The following CYLC2 variants were observed in gnomAD, a reference collection of about 807,000 sequenced individuals.
The protein encoded by CYLC2 is cylicin 2, also known as cylicin-2.
CYLC2 carries 30 observed loss-of-function variants against 26.1 expected under a neutral mutation model. The observed-to-expected ratio is 1.15, with a 90% CI of 0.86 to 1.56. The LOEUF (loss-of-function observed/expected upper bound fraction) is 1.56, where lower values mean the gene tolerates loss of function less well. Ranked by LOEUF, CYLC2 falls within the 40% of genes most tolerant of loss-of-function variation. The pLI is 0.00. For missense variants in CYLC2, 498 were observed against 394.4 expected (o/e 1.26, Z -2.23); for synonymous variants, 158 against 132.8 (o/e 1.19, Z -1.31).
At chr9:103,009,897 G>GTACACACATACATATATGTGTATA (rs1829388463) in intron 5 of CYLC2, among the ~76,000 whole-genome samples, 2 of 150,710 alleles carry the variant, frequency 1.3e-5, no homozygotes, top group African/African-American at 4.9e-5. Flanking sequence ...ATACATATGT[G>GTACACACATACATATATGTGTATA]TACACACATA....
chr9:103,004,115 A>T (rs1374742447), intron 3 of CYLC2, among the ~76,000 whole-genome samples: 3 of 152,116 alleles, frequency 2.0e-5, no homozygotes, highest in Non-Finnish European at 4.4e-5. Flanking sequence ...GTTGAAAACA[A>T]AATGCATAAT....
Position 103,005,062 on chromosome 9 carries a change from G to A in CYLC2, c.431G>A (p.Gly144Asp), listed in dbSNP as rs1350824667. The A allele has an allele frequency of 3.7e-6, 6 of 1,602,474 alleles. No individual in the cohort carries two copies. Among genetic ancestry groups the A allele is most frequent in the Non-Finnish European group, 5.1e-6 (6 of 1,176,706 alleles). Residue 144 changes from glycine to aspartate, a missense_variant, in exon 5 of 8, where the codon GGC (glycine) becomes GAC (aspartate). Coordinates refer to ENST00000374798, the MANE Select transcript of CYLC2 (RefSeq NM_001340.5). Reference sequence around the variant, plus strand: ...CAAGGAAAAAAAGATTCAAAGAAAGGCAAGGATATAGAGAAAGGAAAAGAA... The same window carrying A: ...CAAGGAAAAAAAGATTCAAAGAAAGACAAGGATATAGAGAAAGGAAAAGAA... ...LKQGKKDSKK[G>D]KDIEKGKEEK...
chr9:102,995,341 C>T lies in CYLC2; in HGVS notation c.-40C>T, dbSNP rs373802579. ...CACCTTTCAACATCACCAGTTTGAACTTACAATACTTAAGTCCTGGCAAGT... is the reference window on the plus strand; with the variant it reads ...CACCTTTCAACATCACCAGTTTGAATTTACAATACTTAAGTCCTGGCAAGT... On this transcript the variant is annotated 5_prime_UTR_variant, in exon 1 of 8. Transcript: ENST00000374798. 9.0e-6 allele frequency: 14 copies of T among 1,563,494 alleles called. No homozygotes were observed. Among genetic ancestry groups the T allele is most frequent in the Non-Finnish European group, 1.1e-5 (13 of 1,135,384 alleles).
chr9:103,002,465 A>C (rs1327069357), intron 2 of CYLC2, among the ~76,000 whole-genome samples: 2 of 139,316 alleles, frequency 1.4e-5, no homozygotes, highest in African/African-American at 2.7e-5. Flanking sequence ...TCCTGGGTTC[A>C]CACCATTCTC....
intron 3 of CYLC2, 94 bp downstream of exon 3, chr9:103,003,357 A>C: frequency 9.0e-7 from 1 of 1,109,826 alleles, no homozygotes. Context: ...GTCTTAAGTA[A>C]TCACTAAGTA....
At chr9:103,017,741 G>A (rs1396003309) in intron 7 of CYLC2, among the ~76,000 whole-genome samples, 1 of 151,976 alleles carries the variant, frequency 6.6e-6, no homozygotes, top group East Asian at 1.9e-4. Context: ...CACAGACGGG[G>A]TAGCTTAAAT....
In CYLC2 at chr9:103,003,158, A is replaced by G. The variant is rs760874608; in HGVS notation, c.75A>G (p.Lys25=). 6.2e-7 allele frequency: 1 copy of G among 1,613,688 alleles called. No homozygotes were observed. The highest frequency in any genetic ancestry group is 8.5e-7 in the Non-Finnish European group (1 of 1,179,776). The change falls in exon 3 of 8, where the codon AAA becomes AAG. Residue 25 remains lysine, a synonymous_variant. Coordinates refer to ENST00000374798, the MANE Select transcript of CYLC2 (RefSeq NM_001340.5). The stretch of plus-strand genomic sequence containing the variant: ...TTATTTTAGTCAGTGAATTAAGCAA[A>G]AAATCATGGAATCAGCAACACTTTG... ...DNYIPVSELS[K]KSWNQQHFAL... is the part of the protein sequence containing the mutation.
rs559809043 is a variant in CYLC2 at position 102,996,012 on chromosome 9, C to T, written c.17+615C>T. 7.2e-5 allele frequency among the ~76,000 whole-genome samples: 11 copies of T among 151,818 alleles called. No homozygotes were observed. The South Asian group carries it at 1.7e-3, about 23-fold the overall frequency. On this transcript the variant is annotated intron_variant, in intron 1 of 7. Coordinates refer to ENST00000374798, the MANE Select transcript of CYLC2 (RefSeq NM_001340.5). Reference sequence around the variant, plus strand: ...GTCAAAATAAGGTAGGTAAAGAGCACGTTTCAATTCTGTAAACCCTTTTAC... The same window carrying T: ...GTCAAAATAAGGTAGGTAAAGAGCATGTTTCAATTCTGTAAACCCTTTTAC...
rs1323378160 is a variant in CYLC2, at chr9:103,015,353, A to G, written c.*817-1535A>G. On this transcript the variant is annotated intron_variant, in intron 6 of 7. Coordinates refer to ENST00000374798, the MANE Select transcript of CYLC2 (RefSeq NM_001340.5). ...CAATATATTATGTTATATATATTAT[A>G]TATAATCATATTATATAATGTAATA... Among the ~76,000 whole-genome samples, 91 of 123,258 alleles carry G rather than the reference A, an allele frequency of 7.4e-4. 1 individual carries two copies. Among genetic ancestry groups the G allele is most frequent in the African/African-American group, 2.0e-3 (64 of 32,600 alleles). 80.9% of individuals were successfully genotyped at this position (123,258 alleles called of 152,430 possible).
rs772419770 is a variant in CYLC2, at chr9:103,004,852, G to A, written c.337+1G>A. 5 of 1,606,400 alleles carry A rather than the reference G, an allele frequency of 3.1e-6. No homozygotes were observed. Among genetic ancestry groups the A allele is most frequent in the South Asian group, 1.1e-5 (1 of 88,982 alleles). On this transcript the variant is annotated splice_donor_variant, in intron 4 of 7. Coordinates refer to ENST00000374798, the MANE Select transcript of CYLC2 (RefSeq NM_001340.5). LOFTEE classifies it high-confidence loss of function. ...GTCGAGGTGGATTCTAAAGCAGCAGGTAGAGATAACTTACTGTTTTTATAG... is the reference window on the plus strand; with the variant it reads ...GTCGAGGTGGATTCTAAAGCAGCAGATAGAGATAACTTACTGTTTTTATAG...
At chr9:103,013,040 C>T (rs966439024) in intron 6 of CYLC2, among the ~76,000 whole-genome samples, 13 of 145,052 alleles carry the variant, frequency 9.0e-5, no homozygotes, top group South Asian at 4.3e-4. Flanking sequence ...AGATTAAGAA[C>T]CAAAAATGCA....
Position 103,000,532 on chromosome 9 carries a change from T to C in CYLC2, c.18-1046T>C, listed in dbSNP as rs1363779923. ...TCAGATATGATGGGGCAAGTAATTT[T>C]GGTGCATGTACTCAGTTTAAGAAAA... On this transcript the variant is annotated intron_variant, in intron 1 of 7. Coordinates refer to ENST00000374798, the MANE Select transcript of CYLC2 (RefSeq NM_001340.5). Among the ~76,000 whole-genome samples, 3 of 152,026 alleles carry C rather than the reference T, an allele frequency of 2.0e-5. No homozygotes were observed. The East Asian group carries it at 5.8e-4, about 29-fold the overall frequency.
At chr9:103,017,636 C>T (rs997730247) in intron 7 of CYLC2, among the ~76,000 whole-genome samples, 3 of 151,848 alleles carry the variant, frequency 2.0e-5, no homozygotes, top group African/African-American at 4.8e-5. Context: ...TCAATTGGTC[C>T]CTCTGTAACT....
chr9:102,997,504 C>T (rs1391700375), intron 1 of CYLC2, among the ~76,000 whole-genome samples: 1 of 151,958 alleles, frequency 6.6e-6, no homozygotes, highest in Non-Finnish European at 1.5e-5. Flanking sequence ...CTTGCCTTTA[C>T]ACAGAGACTC....
At chr9:102,998,453 C>T (rs555807273) in intron 1 of CYLC2, among the ~76,000 whole-genome samples, 67 of 151,922 alleles carry the variant, frequency 4.4e-4, no homozygotes, top group African/African-American at 1.5e-3. Context: ...TGCACCCTGA[C>T]CTAGATAATT....
intron 6 of CYLC2, among the ~76,000 whole-genome samples, chr9:103,015,833 T>G (rs893882053): frequency 3.3e-5 from 5 of 150,456 alleles, no homozygotes; most frequent in Non-Finnish European, 7.4e-5. Context: ...AATACCAATA[T>G]CTATTATACT....
chr9:103,001,611 C>T lies in CYLC2; in HGVS notation c.51C>T (p.Tyr17=). ...QRVNFGPYDN[Y]IPVSELSKKS... ...TAAACTTTGGGCCATATGATAATTACATTCCAGGTAAGAAAGCATTCAATA... is the reference window on the plus strand; with the variant it reads ...TAAACTTTGGGCCATATGATAATTATATTCCAGGTAAGAAAGCATTCAATA... Residue 17 remains tyrosine (Y), a synonymous_variant, in exon 2 of 8, where the codon TAC becomes TAT. Coordinates refer to ENST00000374798, the MANE Select transcript of CYLC2 (RefSeq NM_001340.5). 6.4e-7 allele frequency: 1 copy of T among 1,558,856 alleles called. No individual in the cohort carries two copies. The highest frequency in any genetic ancestry group is 8.8e-7 in the Non-Finnish European group (1 of 1,134,160).
Position 103,005,114 on chromosome 9 carries a change from C to T in CYLC2, c.483C>T (p.Ser161=), listed in dbSNP as rs1829327781. ...AAAAGCTAGATGCAAAGAAAGATAGCAAAAAAGGTAAAAAGGATGCAGAGA... is the reference window on the plus strand; with the variant it reads ...AAAAGCTAGATGCAAAGAAAGATAGTAAAAAAGGTAAAAAGGATGCAGAGA... ...KEEKLDAKKD[S]KKGKKDAEKG... The change falls in exon 5 of 8, where the codon AGC becomes AGT. Residue 161 remains serine, a synonymous_variant. Coordinates refer to ENST00000374798, the MANE Select transcript of CYLC2 (RefSeq NM_001340.5). 6.2e-7 allele frequency: 1 copy of T among 1,605,148 alleles called. No individual in the cohort carries two copies. Among genetic ancestry groups the T allele is most frequent in the Non-Finnish European group, 8.5e-7 (1 of 1,176,778 alleles).
Position 102,998,491 on chromosome 9 carries a change from A to G in CYLC2, c.18-3087A>G, listed in dbSNP as rs1048619585. Among the ~76,000 whole-genome samples the G allele has an allele frequency of 7.9e-5, 12 of 151,978 alleles. 1 individual carries two copies. Among genetic ancestry groups the G allele is most frequent in the Admixed American group, 3.9e-4 (6 of 15,214 alleles). On this transcript the variant is annotated intron_variant, in intron 1 of 7. Coordinates refer to ENST00000374798, the MANE Select transcript of CYLC2 (RefSeq NM_001340.5). ...TTGACTGTACCAGAGAGGAAAGGAA[A>G]GAGATGCTCTCACCAGCAAAGCCAG...
Sources: allele counts gnomAD v4.1 joint callset (sites outside exome capture counted in the v4.1 genomes callset), GRCh38; gene constraint gnomAD v4.1.1; transcripts MANE v1.5; gene names NCBI Gene and HGNC (gene_info 2026-07-23, HGNC 2026-07-21).